TXNL4A: variants seen among roughly 807,000 people sequenced by gnomAD.
The protein encoded by TXNL4A is thioredoxin like 4A.
TXNL4A carries 17 observed loss-of-function variants against 14.6 expected under a neutral mutation model. The observed-to-expected ratio is 1.16, with a 90% CI of 0.80 to 1.74. The LOEUF (loss-of-function observed/expected upper bound fraction) is 1.74. Among genes scored for constraint, TXNL4A ranks in the 40% most tolerant of loss-of-function variants. The probability of loss-of-function intolerance (pLI) is 0.00; values close to 1 mark genes in which losing one functional copy is unlikely to be tolerated. For synonymous variants in TXNL4A, 83 were observed against 70.6 expected (o/e 1.18, Z -0.88); for missense variants, 74 against 195.2 (o/e 0.38, Z 3.70).
chr18:79,977,983 C>A, intron 1 of TXNL4A: 1 of 368,102 alleles, frequency 2.7e-6, no homozygotes, highest in South Asian at 4.3e-5. Context: ...GGGCAATTTT[C>A]AAACTAATTC....
Position 80,030,138 on chromosome 18 carries a change from T to C in TXNL4A, c.-61+3713A>G, listed in dbSNP as rs138772077. On this transcript the variant is annotated intron_variant, in intron 1 of 2. Coordinates refer to the TXNL4A transcript ENST00000585474. ...GGATTGTAACTCCCACCAAAGACCT[T>C]TGCCTCCAGTTCACTAAACATTGAC... Among the ~76,000 whole-genome samples, 423 of 152,290 alleles carry C rather than the reference T, an allele frequency of 2.8e-3. 3 individuals are homozygous for C. Among genetic ancestry groups the C allele is most frequent in the Non-Finnish European group, 4.2e-3 (286 of 68,024 alleles).
rs539155590 is a variant in TXNL4A at position 79,977,905 on chromosome 18, G to A, written c.154-204C>T. On this transcript the variant is annotated intron_variant, in intron 1 of 2. Coordinates refer to ENST00000269601, the MANE Select transcript of TXNL4A (RefSeq NM_006701.5). Reference sequence around the variant, plus strand: ...TGCAGCCTCGACCTCCCAGGCTCAAGCTATCCTCCCACCTCAGCCTCCCAA... The same window carrying A: ...TGCAGCCTCGACCTCCCAGGCTCAAACTATCCTCCCACCTCAGCCTCCCAA... 41 of 562,948 alleles carry A rather than the reference G, an allele frequency of 7.3e-5. 1 individual carries two copies. The highest frequency in any genetic ancestry group is 7.1e-4 in the African/African-American group (38 of 53,298). 34.9% of individuals were successfully genotyped at this position (562,948 alleles called of 1,614,324 possible). A position where few individuals can be genotyped will look rare whatever the true frequency, so the allele number is the denominator to read the frequency against.
rs148652950 is a variant in TXNL4A at position 79,974,003 on chromosome 18, C to G, written c.258-147G>C. On this transcript the variant is annotated intron_variant, in intron 2 of 2. Transcript: ENST00000269601. ...AAAATCGAGAGTGTATGCCATGATG[C>G]AGGAGAATACAGGAAGCAGCTAAAT... 5.5e-4 allele frequency: 565 copies of G among 1,026,122 alleles called. 4 individuals carry two copies. The East Asian group carries it at 0.014, about 25-fold the overall frequency. 63.6% of individuals were successfully genotyped at this position (1,026,122 alleles called of 1,614,324 possible). A position where few individuals can be genotyped will look rare whatever the true frequency, so the allele number is the denominator to read the frequency against.
At chr18:79,996,103 CAAAAAAAAA>C (rs60443481) in intron 1 of TXNL4A, among the ~76,000 whole-genome samples, 2 of 61,328 alleles carry the variant, frequency 3.3e-5, no homozygotes, top group African/African-American at 1.5e-4. Flanking sequence ...GACTCTGACT[CAAAAAAAAA>C]AAAAAAAAAA....
intron 1 of TXNL4A, among the ~76,000 whole-genome samples, chr18:80,002,070 A>AG (rs923214525): frequency 1.1e-4 from 16 of 152,138 alleles, no homozygotes; most frequent in African/African-American, 2.9e-4. Flanking sequence ...TAATTGAATT[A>AG]GGGGGGCAGT....
At chr18:79,994,185 A>G (rs774948809) in intron 1 of TXNL4A, among the ~76,000 whole-genome samples, 18 of 152,326 alleles carry the variant, frequency 1.2e-4, no homozygotes, top group Middle Eastern at 3.4e-3. Context: ...CAAGTGGACC[A>G]CTATAACCAA....
At chr18:80,023,542 T>C (rs2051863855) in intron 1 of TXNL4A, among the ~76,000 whole-genome samples, 1 of 151,872 alleles carries the variant, frequency 6.6e-6, no homozygotes, top group Admixed American at 6.6e-5. Flanking sequence ...ATAAGAAAAT[T>C]AACTTGTCTT....
upstream of TXNL4A, among the ~76,000 whole-genome samples, chr18:79,989,504 C>T (rs1221107113): frequency 6.6e-6 from 1 of 152,184 alleles, no homozygotes; most frequent in Admixed American, 6.5e-5. Context: ...CTCCCCAAAC[C>T]CTTACTAGTG....
chr18:79,977,386 G>A, intron 2 of TXNL4A: 1 of 540,248 alleles, frequency 1.9e-6, no homozygotes, highest in Non-Finnish European at 3.2e-6. Context: ...TTTCAAAAGG[G>A]TAATTTGTTA....
intron 1 of TXNL4A, among the ~76,000 whole-genome samples, chr18:79,997,760 C>T (rs901923340): frequency 1.6e-4 from 24 of 152,334 alleles, no homozygotes; most frequent in African/African-American, 5.8e-4. Context: ...TTTGTTCAGA[C>T]ACACTATCTT....
intron 1 of TXNL4A, among the ~76,000 whole-genome samples, chr18:80,030,838 A>G (rs1181889521): frequency 6.6e-6 from 1 of 152,106 alleles, no homozygotes; most frequent in East Asian, 1.9e-4. Flanking sequence ...GTGGTGGTGC[A>G]TGCCTGTAAT....
intron 1 of TXNL4A, among the ~76,000 whole-genome samples, chr18:80,000,443 G>A (rs2051691317): frequency 6.6e-6 from 1 of 152,214 alleles, no homozygotes; most frequent in Non-Finnish European, 1.5e-5. Flanking sequence ...GATGATTTAG[G>A]TATCTGGCAG....
rs183075107 is a variant in TXNL4A, at chr18:80,030,746, A to G, written c.-61+3105T>C. 2.4e-3 allele frequency among the ~76,000 whole-genome samples: 361 copies of G among 152,300 alleles called. 1 individual carries two copies. Among genetic ancestry groups the G allele is most frequent in the African/African-American group, 8.4e-3 (350 of 41,568 alleles). ...TTTAGGAGGCCGAGGTGGGTGGATCATTTGAGATCAGGAGTTTCAGACCAG... is the reference window on the plus strand; with the variant it reads ...TTTAGGAGGCCGAGGTGGGTGGATCGTTTGAGATCAGGAGTTTCAGACCAG... On this transcript the variant is annotated intron_variant, in intron 1 of 2. Transcript: ENST00000585474.
intron 1 of TXNL4A, among the ~76,000 whole-genome samples, chr18:80,017,605 C>T (rs983915562): frequency 5.3e-5 from 8 of 151,866 alleles, no homozygotes; most frequent in Non-Finnish European, 8.8e-5. Flanking sequence ...GCCTTTTCTG[C>T]ATGTATTGAG....
Position 80,017,886 on chromosome 18 carries a change from T to A in TXNL4A, c.-61+15965A>T, listed in dbSNP as rs540842621. Among the ~76,000 whole-genome samples, 423 of 151,826 alleles carry A rather than the reference T, an allele frequency of 2.8e-3. 2 individuals are homozygous for A. The highest frequency in any genetic ancestry group is 6.4e-3 in the Admixed American group (98 of 15,260). ...GATGATGCTGGCCTCATAAAATGAG[T>A]TAGGGAGGATTCCCTCTTTTTCTAT... On this transcript the variant is annotated intron_variant, in intron 1 of 2. Transcript: ENST00000585474.
chr18:80,027,761 T>C (rs2051894536), intron 1 of TXNL4A, among the ~76,000 whole-genome samples: 1 of 152,180 alleles, frequency 6.6e-6, no homozygotes, highest in Non-Finnish European at 1.5e-5. Flanking sequence ...ACACAAAGTG[T>C]CCAAAGACAA....
rs1186229752 is a variant in TXNL4A, at chr18:79,993,741, G to A, written c.-60-16040C>T. 6.6e-6 allele frequency among the ~76,000 whole-genome samples: 1 copy of A among 152,154 alleles called. No homozygotes were observed. Among genetic ancestry groups the A allele is most frequent in the Non-Finnish European group, 1.5e-5 (1 of 68,036 alleles). On this transcript the variant is annotated intron_variant, in intron 1 of 2. Transcript: ENST00000585474. The surrounding 1 kb of genome is among the most constrained non-coding windows in gnomAD (Gnocchi z 4.4). ...ACTTTACTCCCCTCAGCCTTTCGGG[G>A]CATTCTTAGGCAACTGAGAATCGCG...
chr18:80,002,280 T>G (rs114806184), intron 1 of TXNL4A, among the ~76,000 whole-genome samples: 2 of 152,192 alleles, frequency 1.3e-5, no homozygotes, highest in Admixed American at 1.3e-4. Flanking sequence ...GCAAGCCCTG[T>G]GGCACATCTT....
At chr18:80,007,380 G>A (rs1191945405) in intron 1 of TXNL4A, among the ~76,000 whole-genome samples, 1 of 152,222 alleles carries the variant, frequency 6.6e-6, no homozygotes, top group East Asian at 1.9e-4. Context: ...GAGCAATCTA[G>A]GGGATACGTA....
Sources: allele counts gnomAD v4.1 joint callset (sites outside exome capture counted in the v4.1 genomes callset), GRCh38; gene constraint gnomAD v4.1.1; non-coding constraint Gnocchi (gnomAD v3.1); transcripts MANE v1.5; gene names NCBI Gene and HGNC (gene_info 2026-07-23, HGNC 2026-07-21).